GLDN: variants seen among roughly 807,000 people sequenced by gnomAD.
GLDN encodes the protein collomin.
In GLDN, 47 loss-of-function variants were observed where a neutral mutation model predicts 56.5. That is an observed-to-expected ratio of 0.83 (90% CI 0.66 to 1.06). GLDN has a LOEUF of 1.06. Ranked by LOEUF, GLDN falls within the 50% of genes least tolerant of loss-of-function variation. GLDN has a pLI of 0.00. For missense variants in GLDN, 782 were observed against 714.3 expected (o/e 1.09, Z -1.08); for synonymous variants, 332 against 278.8 (o/e 1.19, Z -1.90).
chr15:51,389,695 C>A (rs572629838), intron 4 of GLDN, among the ~76,000 whole-genome samples: 1 of 152,132 alleles, frequency 6.6e-6, no homozygotes, highest in African/African-American at 2.4e-5. Flanking sequence ...ATAAGGAGGG[C>A]TTTCATTTCT....
chr15:51,397,474 C>CA lies in GLDN; in HGVS notation c.696dup (p.Gly233ArgfsTer2). 6.6e-7 allele frequency: 1 copy of CA among 1,521,118 alleles called. No individual in the cohort carries two copies. The highest frequency in any genetic ancestry group is 8.8e-7 in the Non-Finnish European group (1 of 1,130,892). The allele number at this position is 1,521,118 out of a possible 1,614,324, so 94.2% of individuals were successfully genotyped here. A position where few individuals can be genotyped will look rare whatever the true frequency, so the allele number is the denominator to read the frequency against. Reference sequence around the variant, plus strand: ...TTTCTCTCTCTCTCTCTCCAGGTGCCAAAGGTGACCAAGGCCCACCCGGTC... The same window carrying CA: ...TTTCTCTCTCTCTCTCTCCAGGTGCCAAAAGGTGACCAAGGCCCACCCGGTC... On this transcript the variant is annotated frameshift_variant, in exon 6 of 10. Transcript: ENST00000335449. LOFTEE classifies it high-confidence loss of function.
At chr15:51,354,792 C>T (rs908221993) in intron 1 of GLDN, among the ~76,000 whole-genome samples, 2 of 152,134 alleles carry the variant, frequency 1.3e-5, no homozygotes, top group Admixed American at 6.5e-5. Flanking sequence ...ATCGTAGAAC[C>T]TTTGCCAGGG....
intron 4 of GLDN, among the ~76,000 whole-genome samples, chr15:51,387,356 A>G (rs2037919628): frequency 6.6e-6 from 1 of 152,182 alleles, no homozygotes; most frequent in African/African-American, 2.4e-5. Flanking sequence ...TCCACCTACC[A>G]TCTCAACATG....
chr15:51,354,770 G>GA (rs2037142763), intron 1 of GLDN, among the ~76,000 whole-genome samples: 1 of 152,178 alleles, frequency 6.6e-6, no homozygotes, highest in African/African-American at 2.4e-5. Context: ...ACCTAATGAG[G>GA]AATTGGGAGC....
chr15:51,387,303 C>G (rs1441455637), intron 4 of GLDN, among the ~76,000 whole-genome samples: 1 of 152,182 alleles, frequency 6.6e-6, no homozygotes, highest in African/African-American at 2.4e-5. Context: ...CTGGAACTTT[C>G]CATCTTTGGT....
At chr15:51,350,504 G>C (rs769516690) in intron 1 of GLDN, among the ~76,000 whole-genome samples, 31 of 152,292 alleles carry the variant, frequency 2.0e-4, no homozygotes, top group Non-Finnish European at 4.1e-4. Context: ...TAGGACGTCA[G>C]TGCTGTGTAC....
intron 2 of GLDN, among the ~76,000 whole-genome samples, chr15:51,381,319 C>T (rs546860811): frequency 2.0e-5 from 3 of 152,254 alleles, no homozygotes; most frequent in South Asian, 2.1e-4. Context: ...TCTCTATATC[C>T]GAATTTGGCT....
chr15:51,349,408 A>G (rs947143474), intron 1 of GLDN, among the ~76,000 whole-genome samples: 3 of 152,254 alleles, frequency 2.0e-5, no homozygotes, highest in Non-Finnish European at 2.9e-5. Context: ...CTAGCCTGCT[A>G]TTCTACTTGT....
At chr15:51,395,883 C>A (rs1161877388) in intron 5 of GLDN, among the ~76,000 whole-genome samples, 1 of 152,106 alleles carries the variant, frequency 6.6e-6, no homozygotes, top group Admixed American at 6.5e-5. Context: ...GAAGGGGGAG[C>A]AGGTACATCA....
intron 2 of GLDN, among the ~76,000 whole-genome samples, chr15:51,381,331 C>T (rs2037754839): frequency 1.3e-5 from 2 of 152,130 alleles, no homozygotes; most frequent in African/African-American, 4.8e-5. Context: ...AATTTGGCTC[C>T]CTCTGTCGTC....
rs1204485116 is a variant in GLDN at position 51,404,779 on chromosome 15, C to G, written c.*25C>G. The G allele has an allele frequency of 4.0e-6, 5 of 1,244,854 alleles. No individual in the cohort carries two copies. In the African/African-American group the frequency reaches 4.5e-5, roughly 11 times the overall value. The allele number at this position is 1,244,854 out of a possible 1,614,324, so 77.1% of individuals were successfully genotyped here. A position where few individuals can be genotyped will look rare whatever the true frequency, so the allele number is the denominator to read the frequency against. On this transcript the variant is annotated 3_prime_UTR_variant, in exon 10 of 10. Transcript: ENST00000335449. ...ATGTGCTGCATTCGGCTCCCTTCAG[C>G]AAATTTCAGGGGTTTTCTGGGACCA...
chr15:51,374,298 C>A (rs1454864667), intron 1 of GLDN, among the ~76,000 whole-genome samples: 1 of 152,188 alleles, frequency 6.6e-6, no homozygotes, highest in East Asian at 1.9e-4. Flanking sequence ...ATTGTGAAGT[C>A]TTTTCTGGTC....
chr15:51,372,737 T>C (rs1228510417), intron 1 of GLDN, among the ~76,000 whole-genome samples: 3 of 152,220 alleles, frequency 2.0e-5, no homozygotes, highest in African/African-American at 7.2e-5. Context: ...GAACCACTTC[T>C]CAGCAGAGAA....
Position 51,384,019 on chromosome 15 carries a change from C to T in GLDN, c.541+127C>T, listed in dbSNP as rs2445739. The T allele has an allele frequency of 0.039, 30,415 of 774,760 alleles. 758 individuals carry two copies. Among genetic ancestry groups the T allele is most frequent in the Non-Finnish European group, 0.046 (20,393 of 442,088 alleles). 48.0% of individuals were successfully genotyped at this position (774,760 alleles called of 1,614,324 possible). ...TCTGCACAGTTTAAGGCCGGTTTAA[C>T]TCTTACCTAGAAGCCATTGCGTTCC... On this transcript the variant is annotated intron_variant, in intron 4 of 9. Coordinates refer to ENST00000335449, the MANE Select transcript of GLDN (RefSeq NM_181789.4).
At chr15:51,344,893 G>A (rs577760138) in intron 1 of GLDN, among the ~76,000 whole-genome samples, 177 of 152,294 alleles carry the variant, frequency 1.2e-3, no homozygotes, top group African/African-American at 4.1e-3. Flanking sequence ...CATTAAAAAG[G>A]CAAGATAATT....
rs1214407351 is a variant in GLDN at position 51,341,675 on chromosome 15, C to A, written c.-10C>A. 7.1e-7 allele frequency: 1 copy of A among 1,399,660 alleles called. No homozygotes were observed. Among genetic ancestry groups the A allele is most frequent in the Non-Finnish European group, 9.2e-7 (1 of 1,089,868 alleles). The allele number at this position is 1,399,660 out of a possible 1,614,324, so 86.7% of individuals were successfully genotyped here. On this transcript the variant is annotated 5_prime_UTR_variant, in exon 1 of 10. Coordinates refer to ENST00000335449, the MANE Select transcript of GLDN (RefSeq NM_181789.4). ...CTGCCAAGCCCTGCCCTGCCCAAGG[C>A]GCATAGAGCATGGCCCGAGGCGCTG...
chr15:51,382,991 C>A (rs914350147), intron 2 of GLDN, among the ~76,000 whole-genome samples: 1 of 152,134 alleles, frequency 6.6e-6, no homozygotes, highest in Non-Finnish European at 1.5e-5. Context: ...ACTCCCGACT[C>A]CCCCCAGTGG....
chr15:51,391,212 T>C (rs905943637), intron 4 of GLDN, among the ~76,000 whole-genome samples: 1 of 151,986 alleles, frequency 6.6e-6, no homozygotes, highest in Non-Finnish European at 1.5e-5. Context: ...TTGAATAGTG[T>C]TAAATACCTG....
intron 9 of GLDN, among the ~76,000 whole-genome samples, chr15:51,403,046 C>A (rs956115601): frequency 2.0e-5 from 3 of 152,194 alleles, no homozygotes; most frequent in Non-Finnish European, 4.4e-5. Context: ...GCGTGGGGGG[C>A]AGTTCTGCGG....
Sources: allele counts gnomAD v4.1 joint callset (sites outside exome capture counted in the v4.1 genomes callset), GRCh38; gene constraint gnomAD v4.1.1; transcripts MANE v1.5; gene names NCBI Gene and HGNC (gene_info 2026-07-23, HGNC 2026-07-21).